Variants in AGFG2 observed in about 807,000 individuals in gnomAD.
AGFG2 encodes arf-GAP domain and FG repeat-containing protein 2.
In AGFG2, 31 loss-of-function variants were observed where a neutral mutation model predicts 48.0. That is an observed-to-expected ratio of 0.65 (90% CI 0.49 to 0.87). The LOEUF is 0.87. Among genes scored for constraint, AGFG2 ranks in the 40% least tolerant of loss-of-function variants. The pLI is 0.00. For missense variants in AGFG2, 599 were observed against 632.6 expected (o/e 0.95, Z 0.57); for synonymous variants, 229 against 260.8 (o/e 0.88, Z 1.18).
rs1800889502 is a variant in AGFG2 at position 100,562,227 on chromosome 7, C to G, written c.878-32C>G. On this transcript the variant is annotated intron_variant, in intron 6 of 11. Coordinates refer to ENST00000300176, the MANE Select transcript of AGFG2 (RefSeq NM_006076.5). This position sits in a 1 kb window ranked among gnomAD's most constrained non-coding sequence, Gnocchi z 5.4. ...CCCCTCCCGCCCTGTCTTACCTCAG[C>G]TCTCCCTGTTGTATTTTCCACAACT... is the stretch of plus-strand genomic sequence containing the variant. The G allele has an allele frequency of 3.7e-6, 6 of 1,607,126 alleles. No homozygotes were observed. The highest frequency in any genetic ancestry group is 5.1e-6 in the Non-Finnish European group (6 of 1,175,426).
In AGFG2 at chr7:100,564,210, C is replaced by T. The variant is rs1402474749; in HGVS notation, c.1301-8C>T. On this transcript the variant is annotated splice_region_variant and splice_polypyrimidine_tract_variant and intron_variant, in intron 10 of 11. Transcript: ENST00000300176. ...GGTGTCAGCTGAGTGACTGCTCTCGCCCCCTAGGCTCTTCCTTCGGGGACT... is the reference window on the plus strand; with the variant it reads ...GGTGTCAGCTGAGTGACTGCTCTCGTCCCCTAGGCTCTTCCTTCGGGGACT... 2 of 1,607,838 alleles carry T rather than the reference C, an allele frequency of 1.2e-6. No individual in the cohort carries two copies. The highest frequency in any genetic ancestry group is 1.1e-5 in the South Asian group (1 of 89,824).
At chr7:100,550,340 AT>A in intron 2 of AGFG2, 55 bp from the exon 3 acceptor site, 2 of 603,410 alleles carry the variant, frequency 3.3e-6, no homozygotes, top group Non-Finnish European at 2.7e-6. Flanking sequence ...AGGAAGTGGT[AT>A]TTTTTGTATT....
At chr7:100,561,629 T>C (rs979594945) in intron 6 of AGFG2, among the ~76,000 whole-genome samples, 1 of 152,282 alleles carries the variant, frequency 6.6e-6, no homozygotes, top group South Asian at 2.1e-4. Flanking sequence ...AAGATTTCCA[T>C]GTGGGCCTTG....
chr7:100,563,162 G>A (rs1800916962), intron 9 of AGFG2, among the ~76,000 whole-genome samples: 2 of 152,202 alleles, frequency 1.3e-5, no homozygotes, highest in South Asian at 2.1e-4. Context: ...ACCGGAGACC[G>A]CACTGAAGAC....
chr7:100,545,238 T>C lies in AGFG2; in HGVS notation c.222-3584T>C, dbSNP rs138297131. On this transcript the variant is annotated intron_variant, in intron 1 of 11. Coordinates refer to ENST00000300176, the MANE Select transcript of AGFG2 (RefSeq NM_006076.5). ...AACTGGTTTTTTTCCATTGTTGACC[T>C]GGCAGAACTTTCTTATCTGAGCAGC... Among the ~76,000 whole-genome samples the C allele has an allele frequency of 5.6e-4, 85 of 152,290 alleles. No homozygotes were observed. In the East Asian group the frequency reaches 0.013, roughly 23 times the overall value.
At position 100,567,000 on chromosome 7, in the gene AGFG2, G is replaced by C. The variant is rs1488974925; in HGVS notation, c.*2009G>C. ...GGTTTGGAACTGAGGCTAAACCGAA[G>C]GGCTTTCTCCTGCTTCTGTCACCCT... On this transcript the variant is annotated 3_prime_UTR_variant, in exon 12 of 12. Transcript: ENST00000300176. The C allele has an allele frequency of 6.6e-6, 1 of 152,588 alleles. No individual in the cohort carries two copies. Among genetic ancestry groups the C allele is most frequent in the Non-Finnish European group, 1.5e-5 (1 of 68,070 alleles). The allele number at this position is 152,588 out of a possible 1,614,324, so 9.5% of individuals were successfully genotyped here. A position where few individuals can be genotyped will look rare whatever the true frequency, so the allele number is the denominator to read the frequency against.
In AGFG2 at chr7:100,548,913, G is replaced by A. The variant is rs1800567768; in HGVS notation, c.313G>A (p.Glu105Lys). 2 of 1,612,876 alleles carry A rather than the reference G, an allele frequency of 1.2e-6. No individual in the cohort carries two copies. The highest frequency in any genetic ancestry group is 1.6e-4 in the Middle Eastern group (1 of 6,080). The part of the protein sequence containing the change: ...EVVFLQSRGN[E>K]VCRKIWLGLF... ...AGTATTCCTGCAATCCCGTGGAAATGAGGTGAGCTGCCACCGATGGAGTGG... is the reference window on the plus strand; with the variant it reads ...AGTATTCCTGCAATCCCGTGGAAATAAGGTGAGCTGCCACCGATGGAGTGG... Residue 105 changes from glutamate to lysine, a missense_variant and splice_region_variant, in exon 2 of 12, where the codon GAG (glutamate) becomes AAG (lysine). Transcript: ENST00000300176.
chr7:100,543,142 C>T (rs917541123), intron 1 of AGFG2, among the ~76,000 whole-genome samples: 1 of 152,112 alleles, frequency 6.6e-6, no homozygotes, highest in African/African-American at 2.4e-5. Flanking sequence ...TGGCTCACTG[C>T]AACCTCCACC....
At chr7:100,564,060 C>T in intron 10 of AGFG2, 98 bp downstream of exon 10, 1 of 1,566,094 alleles carries the variant, frequency 6.4e-7, no homozygotes, top group Non-Finnish European at 8.7e-7. Context: ...CATGCAGTGC[C>T]CTTTCTGACC....
chr7:100,551,258 A>G (rs1051551015), intron 3 of AGFG2, among the ~76,000 whole-genome samples: 86 of 150,340 alleles, frequency 5.7e-4, no homozygotes, highest in South Asian at 1.7e-3. Context: ...TTTAGTAGAG[A>G]CGGAGTTTCA....
chr7:100,547,122 G>A (rs1190273858), intron 1 of AGFG2, among the ~76,000 whole-genome samples: 1 of 151,978 alleles, frequency 6.6e-6, no homozygotes, highest in Non-Finnish European at 1.5e-5. Context: ...CAGGGTGGCC[G>A]CCCTTACTGT....
At chr7:100,559,897 A>G (rs1427292292) in intron 6 of AGFG2, among the ~76,000 whole-genome samples, 1 of 151,858 alleles carries the variant, frequency 6.6e-6, no homozygotes, top group Non-Finnish European at 1.5e-5. Context: ...CTCCTTTGTG[A>G]GAATGCACCC....
In AGFG2 at chr7:100,564,218, G is replaced by T; in HGVS notation, c.1301G>T (p.Gly434Val). 1 of 1,610,606 alleles carries T rather than the reference G, an allele frequency of 6.2e-7. No individual in the cohort carries two copies. Among genetic ancestry groups the T allele is most frequent in the Non-Finnish European group, 8.5e-7 (1 of 1,178,402 alleles). Residue 434 changes from glycine to valine, a missense_variant and splice_region_variant, in exon 11 of 12, where the codon GGC (glycine) becomes GTC (valine). Physicochemically the swap from Gly to Val is moderately radical, Grantham distance 109. Coordinates refer to ENST00000300176, the MANE Select transcript of AGFG2 (RefSeq NM_006076.5). ...CTGAGTGACTGCTCTCGCCCCCTAGGCTCTTCCTTCGGGGACTTAGGATCA... is the reference window on the plus strand; with the variant it reads ...CTGAGTGACTGCTCTCGCCCCCTAGTCTCTTCCTTCGGGGACTTAGGATCA... Reference protein sequence around the residue: ...PQTPLVQQQNGSSFGDLGSAK... With the variant: ...PQTPLVQQQNVSSFGDLGSAK...
At chr7:100,552,399 AGAGACTT>A (rs1278951384) in intron 3 of AGFG2, among the ~76,000 whole-genome samples, 2 of 152,230 alleles carry the variant, frequency 1.3e-5, no homozygotes, top group East Asian at 3.8e-4. Context: ...ATATTATATA[AGAGACTT>A]GAGTGTCCCG....
At position 100,567,868 on chromosome 7, in the gene AGFG2, CT is replaced by C. The variant is rs1441973770; in HGVS notation, c.*2881del. On this transcript the variant is annotated 3_prime_UTR_variant, in exon 12 of 12. Coordinates refer to ENST00000300176, the MANE Select transcript of AGFG2 (RefSeq NM_006076.5). ...ACCAGGGCTACCGGCTGAAATAAAT[CT>C]TTTCCGGGTAGGGTCAAGGGCAGTG... The C allele has an allele frequency of 2.0e-5, 3 of 152,436 alleles. No homozygotes were observed. In the East Asian group the frequency reaches 5.8e-4, roughly 29 times the overall value. The allele number at this position is 152,436 out of a possible 1,614,324, so 9.4% of individuals were successfully genotyped here.
chr7:100,549,570 C>G (rs980724420), intron 2 of AGFG2, among the ~76,000 whole-genome samples: 11 of 152,148 alleles, frequency 7.2e-5, no homozygotes, highest in Non-Finnish European at 1.5e-4. Context: ...TTTTATTTAT[C>G]TAAGATATGA....
In AGFG2 at chr7:100,565,969, A is replaced by G. The variant is rs1233499744; in HGVS notation, c.*978A>G. The G allele has an allele frequency of 6.6e-6, 1 of 152,318 alleles. No individual in the cohort carries two copies. Among genetic ancestry groups the G allele is most frequent in the African/African-American group, 2.4e-5 (1 of 41,320 alleles). 9.4% of individuals were successfully genotyped at this position (152,318 alleles called of 1,614,324 possible). A position where few individuals can be genotyped will look rare whatever the true frequency, so the allele number is the denominator to read the frequency against. On this transcript the variant is annotated 3_prime_UTR_variant, in exon 12 of 12. Coordinates refer to ENST00000300176, the MANE Select transcript of AGFG2 (RefSeq NM_006076.5). ...AAAGCTCATTGCAGGCAATGTTGGAAAAGAACTGCATTTGAACGAAAGAGA... is the reference window on the plus strand; with the variant it reads ...AAAGCTCATTGCAGGCAATGTTGGAGAAGAACTGCATTTGAACGAAAGAGA...
chr7:100,559,767 G>A (rs1175788301), intron 6 of AGFG2, among the ~76,000 whole-genome samples: 2 of 150,770 alleles, frequency 1.3e-5, no homozygotes, highest in African/African-American at 4.9e-5. Context: ...GCAGTGAGCT[G>A]AGATCATGCC....
chr7:100,539,392 A>G lies in AGFG2; in HGVS notation c.46A>G (p.Ser16Gly). 7.7e-7 allele frequency: 1 copy of G among 1,297,550 alleles called. No individual in the cohort carries two copies. The highest frequency in any genetic ancestry group is 2.3e-5 in the South Asian group (1 of 43,416). The allele number at this position is 1,297,550 out of a possible 1,614,324, so 80.4% of individuals were successfully genotyped here. A position where few individuals can be genotyped will look rare whatever the true frequency, so the allele number is the denominator to read the frequency against. Residue 16 changes from serine to glycine, a missense_variant, in exon 1 of 12, where the codon AGC (serine) becomes GGC (glycine). Coordinates refer to ENST00000300176, the MANE Select transcript of AGFG2 (RefSeq NM_006076.5). ...KKGPGPGGGVSGGKAEAEAAS... is the reference protein window; with the variant it reads ...KKGPGPGGGVGGGKAEAEAAS... Reference sequence around the variant, plus strand: ...GGGCCCGGGCCCGGGCGGCGGGGTCAGCGGGGGCAAGGCGGAGGCGGAGGC... The same window carrying G: ...GGGCCCGGGCCCGGGCGGCGGGGTCGGCGGGGGCAAGGCGGAGGCGGAGGC...
Sources: allele counts gnomAD v4.1 joint callset (sites outside exome capture counted in the v4.1 genomes callset), GRCh38; gene constraint gnomAD v4.1.1; non-coding constraint Gnocchi (gnomAD v3.1); transcripts MANE v1.5; gene names NCBI Gene and HGNC (gene_info 2026-07-23, HGNC 2026-07-21).